CHST11: variants seen among roughly 807,000 people sequenced by gnomAD.
The protein encoded by CHST11 is C4S-1.
CHST11 carries 9 observed loss-of-function variants against 30.4 expected under a neutral mutation model. The ratio of observed to expected loss-of-function variants is 0.30; its 90% CI spans 0.18 to 0.52. CHST11 has a LOEUF of 0.52. Ranked by LOEUF, CHST11 falls within the 20% of genes least tolerant of loss-of-function variation. The pLI, the probability that CHST11 is intolerant of heterozygous loss-of-function variation, is 0.97. For synonymous variants in CHST11, 152 were observed against 187.8 expected, an observed-to-expected ratio of 0.81 and a Z score of 1.56; for missense variants, 348 against 460.6, an observed-to-expected ratio of 0.76 and a Z score of 2.24.
chr12:104,670,661 A>C (rs545286314), intron 2 of CHST11, among the ~76,000 whole-genome samples: 2 of 130,176 alleles, frequency 1.5e-5, no homozygotes, highest in East Asian at 4.1e-4. Context: ...ACATACCCAC[A>C]CACACACAAA....
intron 2 of CHST11, among the ~76,000 whole-genome samples, chr12:104,643,293 G>A (rs2039395584): frequency 6.6e-6 from 1 of 152,210 alleles, no homozygotes; most frequent in African/African-American, 2.4e-5. Flanking sequence ...GTGCCACTGT[G>A]TTCCAGCCTA....
At chr12:104,734,575 G>A (rs2040283917) in intron 2 of CHST11, among the ~76,000 whole-genome samples, 1 of 152,110 alleles carries the variant, frequency 6.6e-6, no homozygotes, top group African/African-American at 2.4e-5. Flanking sequence ...TGGAAAACGG[G>A]GTGGCCTGTG....
chr12:104,737,052 A>T (rs77473186), intron 2 of CHST11, among the ~76,000 whole-genome samples: 1 of 152,322 alleles, frequency 6.6e-6, no homozygotes, highest in Non-Finnish European at 1.5e-5. Context: ...GATGATCTTT[A>T]TGGGATATTC....
chr12:104,626,184 TA>T (rs1285914487), intron 2 of CHST11, among the ~76,000 whole-genome samples: 1 of 152,236 alleles, frequency 6.6e-6, no homozygotes, highest in African/African-American at 2.4e-5. Flanking sequence ...GAACCTCAAG[TA>T]CTAAAAGTGC....
intron 1 of CHST11, among the ~76,000 whole-genome samples, chr12:104,584,422 A>G (rs1048105649): frequency 1.3e-5 from 2 of 151,614 alleles, no homozygotes; most frequent in African/African-American, 4.8e-5. Context: ...ATGCCTGGCT[A>G]ATTTTTGTAT....
intron 1 of CHST11, chr12:104,514,108 C>T: frequency 8.2e-7 from 1 of 1,216,138 alleles, no homozygotes; most frequent in Non-Finnish European, 1.2e-6. Flanking sequence ...CCTGTGTCTG[C>T]CTCCTTCTTG....
rs1172871994 is a variant in CHST11, at chr12:104,541,124, TCTCTCTCA to T, written c.119-60780_119-60773del. Among the ~76,000 whole-genome samples, 233 of 128,844 alleles carry T rather than the reference TCTCTCTCA, an allele frequency of 1.8e-3. 1 individual carries two copies. The highest frequency in any genetic ancestry group is 0.014 in the East Asian group (46 of 3,182). The allele number at this position is 128,844 out of a possible 152,430, so 84.5% of individuals were successfully genotyped here. On this transcript the variant is annotated intron_variant, in intron 1 of 2. Coordinates refer to ENST00000303694, the MANE Select transcript of CHST11 (RefSeq NM_018413.6). ...TCTGCAGAATCTCTCCCTCTCTCTC[TCTCTCTCA>T]CACACACACACACACACACACACAC...
At chr12:104,535,941 A>G (rs1193751418) in intron 1 of CHST11, among the ~76,000 whole-genome samples, 2 of 152,210 alleles carry the variant, frequency 1.3e-5, no homozygotes, top group Admixed American at 1.3e-4. Flanking sequence ...TTTTTATTAT[A>G]TAACATTTAC....
intron 1 of CHST11, among the ~76,000 whole-genome samples, chr12:104,594,386 A>G (rs1319623303): frequency 6.6e-6 from 1 of 152,190 alleles, no homozygotes; most frequent in Non-Finnish European, 1.5e-5. Flanking sequence ...GTTCCTGGGT[A>G]TTTTTAAATC....
intron 1 of CHST11, among the ~76,000 whole-genome samples, chr12:104,498,433 C>T (rs941692057): frequency 3.9e-5 from 6 of 152,060 alleles, no homozygotes; most frequent in African/African-American, 1.2e-4. Flanking sequence ...CAGATAGGAT[C>T]GGAAGTGACT....
intron 2 of CHST11, among the ~76,000 whole-genome samples, chr12:104,633,364 G>C (rs2039290238): frequency 6.6e-6 from 1 of 150,790 alleles, no homozygotes; most frequent in South Asian, 2.1e-4. Context: ...GGTGTTGGAA[G>C]CCAGAGAACA....
At chr12:104,469,367 A>G (rs1285777108) in intron 1 of CHST11, among the ~76,000 whole-genome samples, 1 of 152,150 alleles carries the variant, frequency 6.6e-6, no homozygotes, top group East Asian at 1.9e-4. Context: ...TTTCCTCCCA[A>G]TTATGCACTT....
intron 1 of CHST11, among the ~76,000 whole-genome samples, chr12:104,532,784 A>G (rs1004886567): frequency 1.3e-5 from 2 of 151,866 alleles, no homozygotes; most frequent in Non-Finnish European, 2.9e-5. Context: ...TGATCCTACA[A>G]TGCTCCTGAG....
chr12:104,488,692 T>C (rs1290380269), intron 1 of CHST11, among the ~76,000 whole-genome samples: 1 of 147,852 alleles, frequency 6.8e-6, no homozygotes, highest in Non-Finnish European at 1.5e-5. Flanking sequence ...TGTGTATGCG[T>C]ATGTGTGTGT....
intron 1 of CHST11, among the ~76,000 whole-genome samples, chr12:104,591,277 T>A (rs957084822): frequency 1.3e-5 from 2 of 152,134 alleles, no homozygotes; most frequent in Non-Finnish European, 2.9e-5. Context: ...AAGGCTGTTA[T>A]GATCTGATTT....
At chr12:104,634,157 G>T (rs1269515135) in intron 2 of CHST11, among the ~76,000 whole-genome samples, 2 of 152,160 alleles carry the variant, frequency 1.3e-5, no homozygotes, top group African/African-American at 4.8e-5. Context: ...TTCAGCAATT[G>T]GTTTGTTAAC....
At chr12:104,674,400 C>G (rs549648668) in intron 2 of CHST11, among the ~76,000 whole-genome samples, 5 of 152,252 alleles carry the variant, frequency 3.3e-5, no homozygotes, top group African/African-American at 1.2e-4. Flanking sequence ...ATCCTTGCAT[C>G]CTAACGAGGA....
At chr12:104,551,730 G>T (rs1244568767) in intron 1 of CHST11, among the ~76,000 whole-genome samples, 1 of 152,108 alleles carries the variant, frequency 6.6e-6, no homozygotes, top group Non-Finnish European at 1.5e-5. Context: ...TAGCCATTTG[G>T]GGACTAGTAA....
chr12:104,597,744 A>G (rs1012691585), intron 1 of CHST11, among the ~76,000 whole-genome samples: 1 of 152,226 alleles, frequency 6.6e-6, no homozygotes, highest in Non-Finnish European at 1.5e-5. Flanking sequence ...GAAACCATTA[A>G]TTAATAGTTT....
Sources: gnomAD v4.1 joint callset for allele counts (sites outside exome capture counted in the v4.1 genomes callset) on GRCh38, gnomAD v4.1.1 for gene constraint, MANE v1.5 for transcripts, NCBI Gene and HGNC (gene_info 2026-07-23, HGNC 2026-07-21) for gene names.